LARGE1: variants seen among roughly 807,000 people sequenced by gnomAD.
LARGE1 encodes the protein xylosyl- and glucuronyltransferase LARGE1.
A neutral mutation model predicts 87.6 loss-of-function variants in LARGE1; 43 were observed. That is an observed-to-expected ratio of 0.49 (90% CI 0.38 to 0.63). LARGE1 has a LOEUF of 0.63. Ranked by LOEUF, LARGE1 falls within the 30% of genes least tolerant of loss-of-function variation. LARGE1 has a pLI of 0.00. For synonymous variants in LARGE1, 434 were observed against 394.6 expected, an observed-to-expected ratio of 1.10 and a Z score of -1.18; for missense variants, 802 against 1,000.2, an observed-to-expected ratio of 0.80 and a Z score of 2.67.
intron 1 of LARGE1, among the ~76,000 whole-genome samples, chr22:33,878,875 G>A (rs2064569180): frequency 6.6e-6 from 1 of 152,158 alleles, no homozygotes. Context: ...AAAAGAGTGA[G>A]GGTAAATGTT....
chr22:33,540,334 T>G (rs527748535), intron 6 of LARGE1, among the ~76,000 whole-genome samples: 1 of 151,966 alleles, frequency 6.6e-6, no homozygotes, highest in East Asian at 1.9e-4. Flanking sequence ...GAGTTTGGAG[T>G]TGACTAAGTG....
intron 1 of LARGE1, among the ~76,000 whole-genome samples, chr22:33,787,101 G>A (rs1308615669): frequency 6.6e-6 from 1 of 151,780 alleles, no homozygotes; most frequent in Non-Finnish European, 1.5e-5. Flanking sequence ...AGAATGTTTT[G>A]CTTCATTCCA....
At chr22:33,113,872 TC>T in the LARGE1 span, among the ~76,000 whole-genome samples, 35 of 133,012 alleles carry the variant, frequency 2.6e-4, no homozygotes, top group Non-Finnish European at 5.0e-4. Context: ...CTAGGGATTT[TC>T]TTTTTTTTTT....
intron 2 of LARGE1, among the ~76,000 whole-genome samples, chr22:33,709,314 TGCCTAG>T (rs1661115161): frequency 6.6e-6 from 1 of 152,016 alleles, no homozygotes; most frequent in Non-Finnish European, 1.5e-5. Flanking sequence ...GCCACGAAGG[TGCCTAG>T]ACCTGTGAGG....
intron 2 of LARGE1, among the ~76,000 whole-genome samples, chr22:33,684,860 T>C (rs2081898944): frequency 6.6e-6 from 1 of 152,158 alleles, no homozygotes. Flanking sequence ...ATCAACTTCT[T>C]CCCCCACTTT....
intron 11 of LARGE1, among the ~76,000 whole-genome samples, chr22:33,247,812 C>T (rs1466756286): frequency 6.6e-6 from 1 of 152,164 alleles, no homozygotes; most frequent in Non-Finnish European, 1.5e-5. Context: ...TCAAGCTAGA[C>T]ATAGATAACC....
At position 33,382,003 on chromosome 22, in the gene LARGE1, C is replaced by T. The variant is rs2065174866; in HGVS notation, c.1047G>A (p.Val349=). 2 of 1,613,976 alleles carry T rather than the reference C, an allele frequency of 1.2e-6. No individual in the cohort carries two copies. Among genetic ancestry groups the T allele is most frequent in the African/African-American group, 1.3e-5 (1 of 74,890 alleles). Residue 349 remains valine (V), a synonymous_variant, in exon 9 of 15, where the codon GTG becomes GTA. Transcript: ENST00000397394. ...NAVIKQNPFL[V]YQLPCFWNVQ... ...CATTCCAGAAGCAGGGGAGCTGGTA[C>T]ACAAGGAAGGGGTTTTGTTTGATGA...
intron 3 of LARGE1, among the ~76,000 whole-genome samples, chr22:33,646,472 T>C (rs866332087): frequency 2.6e-5 from 4 of 151,526 alleles, no homozygotes; most frequent in African/African-American, 7.3e-5. Context: ...CTAGGACAAA[T>C]ACCTAATATA....
intron 9 of LARGE1, among the ~76,000 whole-genome samples, chr22:33,347,518 T>C (rs1939898864): frequency 6.6e-6 from 1 of 152,230 alleles, no homozygotes; most frequent in Non-Finnish European, 1.5e-5. Context: ...CCCTTTTCTT[T>C]GTCTAAGGGA....
chr22:33,577,772 C>G (rs931930279), intron 5 of LARGE1, among the ~76,000 whole-genome samples: 1 of 152,246 alleles, frequency 6.6e-6, no homozygotes, highest in Admixed American at 6.5e-5. Flanking sequence ...CAGCAACTTA[C>G]AAGCAGGCAA....
At chr22:33,551,372 T>G (rs753966770) in intron 6 of LARGE1, among the ~76,000 whole-genome samples, 30 of 152,230 alleles carry the variant, frequency 2.0e-4, no homozygotes, top group Non-Finnish European at 3.7e-4. Context: ...ATTCCAGTAC[T>G]TCAGCTACCC....
intron 6 of LARGE1, among the ~76,000 whole-genome samples, chr22:33,532,498 C>T (rs1235146413): frequency 6.6e-6 from 1 of 152,182 alleles, no homozygotes; most frequent in Non-Finnish European, 1.5e-5. Flanking sequence ...ATTTCACATA[C>T]ATTATCTCAA....
intron 11 of LARGE1, among the ~76,000 whole-genome samples, chr22:33,307,196 CTG>C (rs2146203069): frequency 6.6e-6 from 1 of 152,334 alleles, no homozygotes; most frequent in South Asian, 2.1e-4. Flanking sequence ...CTTTGCCACA[CTG>C]TGGCTATCAT....
intron 11 of LARGE1, among the ~76,000 whole-genome samples, chr22:33,208,268 G>A (rs1209755441): frequency 2.0e-5 from 3 of 152,186 alleles, no homozygotes; most frequent in Admixed American, 6.5e-5. Flanking sequence ...AGGCCACATA[G>A]AACAGGCTGG....
chr22:33,208,657 T>C (rs1240716408), intron 11 of LARGE1, among the ~76,000 whole-genome samples: 1 of 152,058 alleles, frequency 6.6e-6, no homozygotes, highest in Non-Finnish European at 1.5e-5. Context: ...CGTGCCATGG[T>C]GGTTTGCTGC....
intron 11 of LARGE1, among the ~76,000 whole-genome samples, chr22:33,192,908 A>C (rs1271138700): frequency 2.6e-5 from 4 of 152,228 alleles, no homozygotes; most frequent in African/African-American, 9.6e-5. Context: ...TCCCAACACC[A>C]TTTATTGAAG....
At chr22:33,663,747 G>A (rs1258683075) in intron 2 of LARGE1, among the ~76,000 whole-genome samples, 3 of 152,200 alleles carry the variant, frequency 2.0e-5, no homozygotes, top group Non-Finnish European at 4.4e-5. Context: ...TGGCTCTGAA[G>A]AGTCCTCAGT....
chr22:33,603,823 C>CA (rs1555970583), intron 5 of LARGE1, among the ~76,000 whole-genome samples: 1 of 152,062 alleles, frequency 6.6e-6, no homozygotes, highest in Non-Finnish European at 1.5e-5. Context: ...AATGGCACCA[C>CA]AAAAAAATTG....
At chr22:33,282,718 G>C (rs888793023) in intron 13 of LARGE1, among the ~76,000 whole-genome samples, 2 of 152,108 alleles carry the variant, frequency 1.3e-5, no homozygotes, top group South Asian at 4.1e-4. Flanking sequence ...TTGACACAAC[G>C]GCTACACGTC....
Sources: gnomAD v4.1 joint callset for allele counts (sites outside exome capture counted in the v4.1 genomes callset) on GRCh38, gnomAD v4.1.1 for gene constraint, MANE v1.5 for transcripts, NCBI Gene and HGNC (gene_info 2026-07-23, HGNC 2026-07-21) for gene names.